AFF2: variants seen among roughly 807,000 people sequenced by gnomAD.
AFF2 encodes the protein ALF transcription elongation factor 2, also known as AF4/FMR2 family member 2.
In AFF2, 14 loss-of-function variants were observed where a neutral mutation model predicts 76.9. That is an observed-to-expected ratio of 0.18 (90% CI 0.12 to 0.28). The LOEUF (loss-of-function observed/expected upper bound fraction) is 0.28, where lower values mean the gene tolerates loss of function less well. Ranked by LOEUF, AFF2 falls within the 10% of genes least tolerant of loss-of-function variation. The probability of loss-of-function intolerance (pLI) is 1.00; values close to 1 mark genes in which losing one functional copy is unlikely to be tolerated. For missense variants in AFF2, 868 were observed against 1,001.1 expected (o/e 0.87, Z 1.79); for synonymous variants, 398 against 366.7 (o/e 1.09, Z -0.98).
intron 3 of AFF2, among the ~76,000 whole-genome samples, chrX:148,711,476 A>G (rs1216436384): frequency 8.9e-6 from 1 of 112,198 alleles, no homozygotes; most frequent in African/African-American, 3.2e-5. Flanking sequence ...TAGCAGCAAA[A>G]GTTTTATTGC....
At chrX:148,551,168 G>C (rs1603239634) in intron 1 of AFF2, among the ~76,000 whole-genome samples, 1 of 109,927 alleles carries the variant, frequency 9.1e-6, no homozygotes, top group South Asian at 3.9e-4. Context: ...CTACAAATAA[G>C]GTAAGCAACA....
chrX:148,970,267 G>T (rs1280580038), intron 15 of AFF2, among the ~76,000 whole-genome samples: 1 of 112,071 alleles, frequency 8.9e-6, no homozygotes, highest in African/African-American at 3.2e-5. Flanking sequence ...AAAAGCTGGA[G>T]AACATTTATT....
intron 3 of AFF2, among the ~76,000 whole-genome samples, chrX:148,714,747 T>C (rs1443944453): frequency 1.8e-5 from 2 of 112,024 alleles, no homozygotes; most frequent in Non-Finnish European, 3.8e-5. Flanking sequence ...GCTTCCTCTG[T>C]CTCATTCACT....
chrX:148,768,789 T>C (rs2069550580), intron 3 of AFF2, among the ~76,000 whole-genome samples: 2 of 112,099 alleles, frequency 1.8e-5, no homozygotes, highest in Admixed American at 1.9e-4. Context: ...TTTTTGTTCA[T>C]TGTTTTTCTC....
chrX:148,647,629 C>G (rs1213383744), intron 1 of AFF2, among the ~76,000 whole-genome samples: 1 of 111,281 alleles, frequency 9.0e-6, no homozygotes, highest in Non-Finnish European at 1.9e-5. Context: ...GAAAGGTGAC[C>G]AATGGAGTGC....
At chrX:148,871,520 T>C (rs1245416510) in intron 7 of AFF2, among the ~76,000 whole-genome samples, 1 of 111,727 alleles carries the variant, frequency 9.0e-6, no homozygotes. Context: ...CCCAGCTTCT[T>C]CTGTAATCAC....
chrX:148,931,323 G>C (rs1557284396), intron 9 of AFF2, among the ~76,000 whole-genome samples: 2 of 107,867 alleles, frequency 1.9e-5, no homozygotes, highest in Non-Finnish European at 3.8e-5. Context: ...TCAACACTGA[G>C]TTATTTCATA....
At chrX:148,928,275 G>A (rs2124286617) in intron 9 of AFF2, among the ~76,000 whole-genome samples, 1 of 112,425 alleles carries the variant, frequency 8.9e-6, no homozygotes, top group East Asian at 2.8e-4. Context: ...TGGAAAGAAA[G>A]AGGAAAATTG....
intron 20 of AFF2, 51 bp downstream of exon 20, chrX:148,987,608 C>G (rs370535068): frequency 3.7e-6 from 4 of 1,073,051 alleles, no homozygotes; most frequent in Non-Finnish European, 5.1e-6. Flanking sequence ...ATGGAGTTAA[C>G]TTCACTTTGA....
chrX:148,942,052 G>C (rs1239899190), intron 9 of AFF2, among the ~76,000 whole-genome samples: 1 of 110,270 alleles, frequency 9.1e-6, no homozygotes, highest in Non-Finnish European at 1.9e-5. Flanking sequence ...AGTGGTGCAG[G>C]TTAGCACAAC....
At chrX:148,544,877 C>A (rs182390205) in intron 1 of AFF2, among the ~76,000 whole-genome samples, 11 of 111,780 alleles carry the variant, frequency 9.8e-5, no homozygotes. Flanking sequence ...TTTCTTAGAG[C>A]TTCACCCACT....
chrX:148,956,281 T>C lies in AFF2; in HGVS notation c.2236T>C (p.Ser746Pro), dbSNP rs1206180577. ...TATTTCTGGAGGTAATACTGCCAAA[T>C]CCAAGGAAATCTGTGGTGCCAGCCT... is the stretch of plus-strand genomic sequence containing the variant. The part of the protein sequence containing the change: ...CIISGGNTAK[S>P]KEICGASLTL... Residue 746 changes from serine (S) to proline (P), a missense_variant, in exon 11 of 21, where the codon TCC becomes CCC. Around this residue, in one of 6 missense-constraint regions of AFF2, gnomAD observed 532 missense variants for 564.2 expected, o/e 0.94. Coordinates refer to ENST00000370460, the MANE Select transcript of AFF2 (RefSeq NM_002025.4). 1.3e-5 allele frequency: 16 copies of C among 1,209,796 alleles called. No individual in the cohort carries two copies. In the South Asian group the frequency reaches 2.5e-4, roughly 19 times the overall value.
At position 148,620,543 on chromosome X, in the gene AFF2, T is replaced by A. The variant is rs113364283; in HGVS notation, c.48-31456T>A. On this transcript the variant is annotated intron_variant, in intron 1 of 20. Coordinates refer to ENST00000370460, the MANE Select transcript of AFF2 (RefSeq NM_002025.4). Reference sequence around the variant, plus strand: ...AATTAAAAAATATATATATATATATTGTTCTTCTAGTGATTTTTGGGTTGT... The same window carrying A: ...AATTAAAAAATATATATATATATATAGTTCTTCTAGTGATTTTTGGGTTGT... 8.2e-3 allele frequency among the ~76,000 whole-genome samples: 903 copies of A among 109,988 alleles called. 8 individuals are homozygous for A. Among genetic ancestry groups the A allele is most frequent in the African/African-American group, 0.028 (863 of 30,348 alleles).
chrX:148,546,456 G>A (rs1445894415), intron 1 of AFF2, among the ~76,000 whole-genome samples: 1 of 112,151 alleles, frequency 8.9e-6, no homozygotes, highest in Non-Finnish European at 1.9e-5. Context: ...TCCTTTGTTT[G>A]CTTTTTCTTG....
intron 4 of AFF2, among the ~76,000 whole-genome samples, chrX:148,834,459 CAAACAT>C (rs1419910793): frequency 9.0e-6 from 1 of 110,605 alleles, no homozygotes; most frequent in Non-Finnish European, 1.9e-5. Context: ...CAAAGGATCC[CAAACAT>C]AAAGCAGTGC....
rs1161502699 is a variant in AFF2 at position 148,896,029 on chromosome X, A to G, written c.1360-8192A>G. On this transcript the variant is annotated intron_variant, in intron 8 of 20. Coordinates refer to ENST00000370460, the MANE Select transcript of AFF2 (RefSeq NM_002025.4). ...CTTTATAGTGAGTGAGAGCATCCCT[A>G]TGACCAGGCATGTCCCAGAATCCCC... 3.6e-5 allele frequency among the ~76,000 whole-genome samples: 4 copies of G among 111,589 alleles called. No individual in the cohort carries two copies. In the East Asian group the frequency reaches 8.5e-4, roughly 24 times the overall value.
At position 148,993,034 on chromosome X, in the gene AFF2, C is replaced by G. The variant is rs1337428238; in HGVS notation, c.*1702C>G. On this transcript the variant is annotated 3_prime_UTR_variant, in exon 21 of 21. Transcript: ENST00000370460. ...AAACAGCAGGTGATGACTCTGCACT[C>G]TCATTGTCAAGGTTAGATATATCCC... 1 of 112,812 alleles carries G rather than the reference C, an allele frequency of 8.9e-6. No homozygotes were observed. The highest frequency in any genetic ancestry group is 3.2e-5 in the African/African-American group (1 of 30,986). The allele number at this position is 112,812 out of a possible 1,213,427, so 9.3% of individuals were successfully genotyped here. A position where few individuals can be genotyped will look rare whatever the true frequency, so the allele number is the denominator to read the frequency against.
At chrX:148,822,895 A>G (rs2070345521) in intron 4 of AFF2, among the ~76,000 whole-genome samples, 1 of 111,344 alleles carries the variant, frequency 9.0e-6, no homozygotes, top group African/African-American at 3.3e-5. Flanking sequence ...AACTAAGGCC[A>G]ATCTAAAACC....
chrX:148,761,956 TATATAG>T (rs56137519), intron 3 of AFF2, among the ~76,000 whole-genome samples: 24,828 of 99,332 alleles, frequency 0.25, 2,833 homozygotes, highest in Middle Eastern at 0.34. Context: ...TGTATGTGTG[TATATAG>T]ATATAGATAT....
Sources: allele counts gnomAD v4.1 joint callset (sites outside exome capture counted in the v4.1 genomes callset), GRCh38; gene constraint gnomAD v4.1.1; regional missense constraint gnomAD v4.1.1; transcripts MANE v1.5; gene names NCBI Gene and HGNC (gene_info 2026-07-23, HGNC 2026-07-21).